Variants in ATP2C1 observed in about 807,000 individuals in gnomAD.
ATP2C1 encodes ATPase secretory pathway Ca2+ transporting 1.
A neutral mutation model predicts 120.5 loss-of-function variants in ATP2C1; 31 were observed. That is an observed-to-expected ratio of 0.26 (90% CI 0.19 to 0.35). The LOEUF is 0.35. Among genes scored for constraint, ATP2C1 ranks in the 10% least tolerant of loss-of-function variants. ATP2C1 has a pLI of 1.00. For missense variants in ATP2C1, 731 were observed against 1,107.5 expected (o/e 0.66, Z 4.83); for synonymous variants, 351 against 358.7 (o/e 0.98, Z 0.24).
intron 1 of ATP2C1, chr3:130,869,439 A>G (rs907198027): frequency 4.8e-5 from 2 of 42,024 alleles, no homozygotes; most frequent in Non-Finnish European, 1.9e-4. Context: ...TAAAAAAAAA[A>G]AAAAAAAAAA....
chr3:130,967,180 G>A lies in ATP2C1; in HGVS notation c.1158G>A (p.Val386=), dbSNP rs775722326. The change falls in exon 15 of 28, where the codon GTG becomes GTA. Residue 386 remains valine (V), a synonymous_variant. Coordinates refer to ENST00000510168, the MANE Select transcript of ATP2C1 (RefSeq NM_001378687.1). ...TTGGCTATAATCAATTTGGGGAAGT[G>A]ATTGTTGATGGTGATGTTGTTCATG... is the stretch of plus-strand genomic sequence containing the variant. ...TGVGYNQFGE[V]IVDGDVVHGF... is the part of the protein sequence containing the mutation. 23 of 1,613,846 alleles carry A rather than the reference G, an allele frequency of 1.4e-5. No individual in the cohort carries two copies. The highest frequency in any genetic ancestry group is 1.9e-5 in the Non-Finnish European group (22 of 1,179,814).
intron 1 of ATP2C1, among the ~76,000 whole-genome samples, chr3:130,861,290 C>G (rs1042997603): frequency 1.3e-5 from 2 of 151,980 alleles, no homozygotes; most frequent in African/African-American, 4.8e-5. Flanking sequence ...TCAGGGTTCT[C>G]TAGGAGGTGA....
chr3:130,913,737 A>G (rs1318743318), intron 2 of ATP2C1, among the ~76,000 whole-genome samples: 1 of 152,194 alleles, frequency 6.6e-6, no homozygotes, highest in Non-Finnish European at 1.5e-5. Context: ...TCACTATACT[A>G]AAATTAGTCC....
chr3:130,996,599 T>A (rs2062631913), intron 23 of ATP2C1, 81 bp from the exon 24 acceptor site: 1 of 969,366 alleles, frequency 1.0e-6, no homozygotes. Context: ...AGTAAGAGAT[T>A]TTTAAATGCT....
chr3:130,884,406 C>T (rs2068894647), intron 1 of ATP2C1, among the ~76,000 whole-genome samples: 1 of 152,228 alleles, frequency 6.6e-6, no homozygotes, highest in South Asian at 2.1e-4. Context: ...ACGTTTAAGA[C>T]TTCTTTTGTG....
chr3:130,975,346 T>C lies in ATP2C1; in HGVS notation c.1428T>C (p.Ile476=). Residue 476 remains isoleucine (I), a synonymous_variant, in exon 18 of 28, where the codon ATT becomes ATC. Coordinates refer to ENST00000510168, the MANE Select transcript of ATP2C1 (RefSeq NM_001378687.1). ...TTTCTTCTTAGGACAGACCAGAGAT[T>C]TGTTTTATGAAAGGTGCTTACGAAC... ...VHRTQQDRPE[I]CFMKGAYEQV... 6.8e-6 allele frequency: 11 copies of C among 1,613,776 alleles called. No homozygotes were observed. Among genetic ancestry groups the C allele is most frequent in the Non-Finnish European group, 9.3e-6 (11 of 1,179,772 alleles).
Position 130,953,821 on chromosome 3 carries a change from G to T in ATP2C1, c.532G>T (p.Ala178Ser), listed in dbSNP as rs2060471389. The T allele has an allele frequency of 3.1e-6, 5 of 1,613,962 alleles. No homozygotes were observed. Among genetic ancestry groups the T allele is most frequent in the Non-Finnish European group, 3.4e-6 (4 of 1,179,924 alleles). ...TCTGGGATTCTTTATGTTCCCTAAG[G>T]CTGTGGATCTTTCCATTGATGAGTC... ...RVPADLRLFE[A>S]VDLSIDESSL... is the part of the protein sequence containing the mutation. Residue 178 changes from alanine (A) to serine (S), a missense_variant and splice_region_variant, in exon 9 of 28, where the codon GCT becomes TCT. Physicochemically the swap from Ala to Ser is moderately conservative, Grantham distance 99. This residue lies in a region of ATP2C1 where 571 missense variants were observed against 845.9 expected (regional missense o/e 0.67). Transcript: ENST00000510168.
At chr3:130,862,482 A>AT (rs1186761492) in intron 1 of ATP2C1, among the ~76,000 whole-genome samples, 11 of 151,990 alleles carry the variant, frequency 7.2e-5, no homozygotes, top group Non-Finnish European at 1.3e-4. Flanking sequence ...CACTTGGCTG[A>AT]TTTTTTAAAT....
chr3:130,963,385 C>T (rs2060911805), intron 12 of ATP2C1: 1 of 155,996 alleles, frequency 6.4e-6, no homozygotes, highest in Non-Finnish European at 1.4e-5. Flanking sequence ...CTAGATATTT[C>T]ATATAAATGA....
At chr3:130,944,647 A>C (rs1056218720) in intron 8 of ATP2C1, among the ~76,000 whole-genome samples, 6 of 152,232 alleles carry the variant, frequency 3.9e-5, no homozygotes, top group Non-Finnish European at 7.3e-5. Flanking sequence ...TTTTTGGGAT[A>C]CATAGTTAAG....
At chr3:130,923,424 C>T (rs1486122430) in intron 2 of ATP2C1, among the ~76,000 whole-genome samples, 3 of 151,982 alleles carry the variant, frequency 2.0e-5, no homozygotes, top group African/African-American at 7.2e-5. Flanking sequence ...AACGAGTTTT[C>T]ACCATGCTGG....
At chr3:130,904,847 TCTTTA>T (rs1474489632) in intron 2 of ATP2C1, among the ~76,000 whole-genome samples, 4 of 152,092 alleles carry the variant, frequency 2.6e-5, no homozygotes, top group South Asian at 2.1e-4. Flanking sequence ...AGTACTGTCC[TCTTTA>T]CTTATTAATT....
chr3:130,891,778 T>TATG (rs1487069982), upstream of ATP2C1, among the ~76,000 whole-genome samples: 1 of 152,196 alleles, frequency 6.6e-6, no homozygotes, highest in Non-Finnish European at 1.5e-5. Flanking sequence ...TATGTGGGTG[T>TATG]ATGAATATAC....
chr3:130,931,950 A>G, intron 3 of ATP2C1, 72 bp from the exon 4 acceptor site: 6 of 959,236 alleles, frequency 6.3e-6, no homozygotes, highest in Non-Finnish European at 1.0e-5. Context: ...AATACATTAT[A>G]TTATGTGCTT....
intron 1 of ATP2C1, among the ~76,000 whole-genome samples, chr3:130,861,819 A>T (rs2068022240): frequency 6.6e-6 from 1 of 152,220 alleles, no homozygotes; most frequent in Non-Finnish European, 1.5e-5. Flanking sequence ...TGAGTGACAA[A>T]TACCATAGGC....
intron 4 of ATP2C1, among the ~76,000 whole-genome samples, chr3:130,932,483 A>G (rs1363527935): frequency 2.0e-5 from 3 of 152,144 alleles, no homozygotes; most frequent in Non-Finnish European, 2.9e-5. Context: ...GTAAAAAGTA[A>G]GTTAGGTAAG....
intron 2 of ATP2C1, among the ~76,000 whole-genome samples, chr3:130,927,571 A>AT (rs2059271670): frequency 6.6e-6 from 1 of 152,284 alleles, no homozygotes; most frequent in African/African-American, 2.4e-5. Flanking sequence ...AGAAAACAGT[A>AT]TATTCCTTGG....
intron 8 of ATP2C1, among the ~76,000 whole-genome samples, chr3:130,952,524 T>C (rs114976458): frequency 0.027 from 4,105 of 152,242 alleles, 192 homozygotes; most frequent in African/African-American, 0.093. Flanking sequence ...GATTTAAATT[T>C]AGAATACTTG....
At chr3:130,961,468 A>G (rs1006601605) in intron 12 of ATP2C1, among the ~76,000 whole-genome samples, 2 of 151,936 alleles carry the variant, frequency 1.3e-5, no homozygotes, top group Non-Finnish European at 2.9e-5. Context: ...CTCTTTCTTG[A>G]AGTATTTTAC....
Sources: gnomAD v4.1 joint callset for allele counts (sites outside exome capture counted in the v4.1 genomes callset) on GRCh38, gnomAD v4.1.1 for gene constraint, gnomAD v4.1.1 regional missense constraint, MANE v1.5 for transcripts, NCBI Gene and HGNC (gene_info 2026-07-23, HGNC 2026-07-21) for gene names.